The following BCORL1 variants were observed in gnomAD, a reference collection of about 807,000 sequenced individuals.
BCORL1 encodes the protein BCL6 corepressor like 1.
In BCORL1, 7 loss-of-function variants were observed where a neutral mutation model predicts 87.6. The observed-to-expected ratio is 0.08, with a 90% CI of 0.05 to 0.15. The LOEUF (loss-of-function observed/expected upper bound fraction) is 0.15, where lower values mean the gene tolerates loss of function less well. Among genes scored for constraint, BCORL1 ranks in the 10% least tolerant of loss-of-function variants. The pLI is 1.00. For synonymous variants in BCORL1, 591 were observed against 634.4 expected (o/e 0.93, Z 1.03); for missense variants, 1,215 against 1,499.7 (o/e 0.81, Z 3.13).
chrX:130,051,344 C>T (rs189708628), intron 12 of BCORL1, among the ~76,000 whole-genome samples: 99 of 112,775 alleles, frequency 8.8e-4, no homozygotes, highest in African/African-American at 2.9e-3. Flanking sequence ...AAGGAAACAC[C>T]CACTCCTACC....
chrX:130,004,243 T>TTTTTG (rs1246573840), intron 1 of BCORL1, among the ~76,000 whole-genome samples: 1 of 93,172 alleles, frequency 1.1e-5, no homozygotes, highest in African/African-American at 4.1e-5. Flanking sequence ...AATGTGTGGT[T>TTTTTG]TTTTTTTTTT....
intron 1 of BCORL1, among the ~76,000 whole-genome samples, chrX:129,990,305 C>T (rs1005078324): frequency 2.7e-5 from 3 of 110,703 alleles, no homozygotes; most frequent in African/African-American, 3.3e-5. Context: ...TATCTCGGCT[C>T]ACTGCAAGCT....
chrX:130,049,600 C>A (rs768475152), intron 11 of BCORL1, among the ~76,000 whole-genome samples: 4 of 112,333 alleles, frequency 3.6e-5, no homozygotes, highest in Admixed American at 9.4e-5. Context: ...TCAGGTGATC[C>A]ACCTGCCTCG....
rs1569379345 is a variant in BCORL1, at chrX:130,029,000, G to C, written c.4305+139G>C. 6 of 519,517 alleles carry C rather than the reference G, an allele frequency of 1.2e-5. No individual in the cohort carries two copies. In the East Asian group the frequency reaches 2.2e-4, roughly 19 times the overall value. 42.8% of individuals were successfully genotyped at this position (519,517 alleles called of 1,213,427 possible). A position where few individuals can be genotyped will look rare whatever the true frequency, so the allele number is the denominator to read the frequency against. Reference sequence around the variant, plus strand: ...CTCAAACTAGTTCTCGAAGGGTTGGGGGTGGATTTGAAGAATGGGAACTAA... The same window carrying C: ...CTCAAACTAGTTCTCGAAGGGTTGGCGGTGGATTTGAAGAATGGGAACTAA... On this transcript the variant is annotated intron_variant, in intron 8 of 13. Coordinates refer to ENST00000540052, the MANE Select transcript of BCORL1 (RefSeq NM_001379451.1).
chrX:130,048,823 C>G (rs1229793922), intron 11 of BCORL1, among the ~76,000 whole-genome samples: 1 of 111,974 alleles, frequency 8.9e-6, no homozygotes, highest in Non-Finnish European at 1.9e-5. Context: ...CCCTCCCGCT[C>G]TCCCCCAGGC....
rs377006097 is a variant in BCORL1 at position 130,051,981 on chromosome X, C to G, written c.5040C>G (p.Leu1680=). 5.0e-6 allele frequency: 6 copies of G among 1,203,668 alleles called. No individual in the cohort carries two copies. The highest frequency in any genetic ancestry group is 5.6e-6 in the Non-Finnish European group (5 of 892,036). Residue 1680 remains leucine, a synonymous_variant, in exon 13 of 14, where the codon CTC becomes CTG. Transcript: ENST00000540052. ...TTGAACTCTCAGACAAGCCTCTTCTCCCTTGCTACAACCTCCAAGTGTCAG... is the reference window on the plus strand; with the variant it reads ...TTGAACTCTCAGACAAGCCTCTTCTGCCTTGCTACAACCTCCAAGTGTCAG... ...FMFELSDKPL[L]PCYNLQVSVS...
intron 10 of BCORL1, 21 bp from the exon 11 acceptor site, chrX:130,039,116 C>A: frequency 8.3e-7 from 1 of 1,209,335 alleles, no homozygotes; most frequent in South Asian, 1.8e-5. Flanking sequence ...CTGTTATCCT[C>A]ACCCTGTATC....
At chrX:130,024,852 C>A (rs61494890) in intron 6 of BCORL1, 138 bp from the exon 7 acceptor site, 51 of 932,520 alleles carry the variant, frequency 5.5e-5, no homozygotes, top group Non-Finnish European at 7.5e-5. Flanking sequence ...GGAACTTTCC[C>A]GAACGGTACA....
At position 130,029,909 on chromosome X, in the gene BCORL1, C is replaced by T. The variant is rs774414462; in HGVS notation, c.4305+1048C>T. On this transcript the variant is annotated intron_variant, in intron 8 of 13. Coordinates refer to ENST00000540052, the MANE Select transcript of BCORL1 (RefSeq NM_001379451.1). ...AGCTCAAGTGATCCGCCCGCCTTGGCCTCCCAAAGTGCTGGAATTACAGGC... is the reference window on the plus strand; with the variant it reads ...AGCTCAAGTGATCCGCCCGCCTTGGTCTCCCAAAGTGCTGGAATTACAGGC... 2.1e-4 allele frequency among the ~76,000 whole-genome samples: 23 copies of T among 111,380 alleles called. No homozygotes were observed. In the East Asian group the frequency reaches 4.6e-3, roughly 22 times the overall value.
In BCORL1 at chrX:130,025,160, C is replaced by T. The variant is rs973721877; in HGVS notation, c.3859C>T (p.Leu1287=). The T allele has an allele frequency of 8.3e-7, 1 of 1,210,448 alleles. No homozygotes were observed. The change falls in exon 7 of 14, where the codon CTG becomes TTG. Residue 1287 remains leucine (L), a synonymous_variant. Coordinates refer to ENST00000540052, the MANE Select transcript of BCORL1 (RefSeq NM_001379451.1). ...YRSHHAQDKS[L]LSQGRRHLWR... ...CAGCCACCATGCCCAGGACAAGTCT[C>T]TGCTGAGCCAGGGCCGAAGGCACCT...
chrX:130,051,520 T>C (rs1357548162), intron 12 of BCORL1, among the ~76,000 whole-genome samples: 2 of 112,970 alleles, frequency 1.8e-5, no homozygotes, highest in Admixed American at 9.3e-5. Flanking sequence ...CAGGTGTTTT[T>C]ACCTTGCCCT....
upstream of BCORL1, among the ~76,000 whole-genome samples, chrX:129,982,021 C>T (rs936012820): frequency 6.7e-4 from 74 of 110,145 alleles, no homozygotes; most frequent in African/African-American, 2.3e-3. Context: ...CGTCTGTTCT[C>T]CGCTGCCCGG....
intron 4 of BCORL1, among the ~76,000 whole-genome samples, chrX:130,017,333 C>T (rs1008479646): frequency 4.5e-5 from 5 of 110,604 alleles, no homozygotes; most frequent in Non-Finnish European, 7.6e-5. Flanking sequence ...GAAGTAGGAA[C>T]GTGGGTCATG....
chrX:129,999,372 C>A (rs55810512), intron 1 of BCORL1, among the ~76,000 whole-genome samples: 9,470 of 94,372 alleles, frequency 0.1, 1,392 homozygotes, highest in African/African-American at 0.35. Context: ...GCAGTGGCGC[C>A]ATCTCGGCTC....
chrX:130,013,720 C>T lies in BCORL1; in HGVS notation c.948C>T (p.Leu316=), dbSNP rs1332406053. 5 of 1,202,604 alleles carry T rather than the reference C, an allele frequency of 4.2e-6. No homozygotes were observed. Among genetic ancestry groups the T allele is most frequent in the Non-Finnish European group, 5.6e-6 (5 of 891,498 alleles). Residue 316 remains leucine (L), a synonymous_variant, in exon 4 of 14, where the codon CTC becomes CTT. Transcript: ENST00000540052. ...CAGTTTCAGCTCCTCCCTTGGCTCT[C>T]ATCCAGGCTCCTGTGCCCCCTTCAG... is the stretch of plus-strand genomic sequence containing the variant. ...SVPVSAPPLA[L]IQAPVPPSAP... is the part of the protein sequence containing the mutation.
chrX:129,982,288 A>G (rs1237542521), upstream of BCORL1, among the ~76,000 whole-genome samples: 1 of 111,232 alleles, frequency 9.0e-6, no homozygotes, highest in Non-Finnish European at 1.9e-5. Flanking sequence ...GGCTTGCTGC[A>G]GCCACTGCTG....
intron 1 of BCORL1, among the ~76,000 whole-genome samples, chrX:129,986,847 A>AAAAAAAG (rs1026291294): frequency 9.0e-6 from 1 of 111,347 alleles, no homozygotes; most frequent in Non-Finnish European, 1.9e-5. Flanking sequence ...ACAAAAAAAC[A>AAAAAAAG]AAAAAAGAAA....
intron 1 of BCORL1, among the ~76,000 whole-genome samples, chrX:129,993,408 A>G (rs771130980): frequency 4.5e-4 from 51 of 112,903 alleles, no homozygotes; most frequent in Non-Finnish European, 7.5e-4. Context: ...AAGTGAGGCC[A>G]GGCACGCTGG....
In BCORL1 at chrX:130,015,758, G is replaced by C. The variant is rs1183853027; in HGVS notation, c.2986G>C (p.Val996Leu). The C allele has an allele frequency of 6.6e-6, 8 of 1,210,064 alleles. No individual in the cohort carries two copies. The highest frequency in any genetic ancestry group is 8.9e-6 in the Non-Finnish European group (8 of 895,233). Residue 996 changes from valine to leucine, a missense_variant, in exon 4 of 14, where the codon GTC becomes CTC. This residue lies in a region of BCORL1 where 861 missense variants were observed against 1,010.0 expected (regional missense o/e 0.85). Transcript: ENST00000540052. ...GGCCACCTACATGTCCCATGAGCTG[G>C]TCCTGGCCACCCCCCAGAACCTGCC... ...VLATYMSHEL[V>L]LATPQNLPKM...
Sources: gnomAD v4.1 joint callset for allele counts (sites outside exome capture counted in the v4.1 genomes callset) on GRCh38, gnomAD v4.1.1 for gene constraint, gnomAD v4.1.1 regional missense constraint, MANE v1.5 for transcripts, NCBI Gene and HGNC (gene_info 2026-07-23, HGNC 2026-07-21) for gene names.